The following PDE1C variants were observed in gnomAD, a reference collection of about 807,000 sequenced individuals.
The protein encoded by PDE1C is dual specificity calcium/calmodulin-dependent 3',5'-cyclic nucleotide phosphodiesterase 1C.
Under a neutral mutation model 93.1 loss-of-function variants are expected in PDE1C, and 62 were observed. The observed-to-expected ratio is 0.67, with a 90% CI of 0.54 to 0.82. PDE1C has a LOEUF of 0.82. PDE1C is among the 40% of genes least tolerant of loss of function. PDE1C has a pLI of 0.00. For missense variants in PDE1C, 742 were observed against 884.6 expected, an observed-to-expected ratio of 0.84 and a Z score of 2.04; for synonymous variants, 325 against 310.1, an observed-to-expected ratio of 1.05 and a Z score of -0.50.
At position 32,340,263 on chromosome 7, in the gene PDE1C, T is replaced by C. The variant is rs143108018; in HGVS notation, c.310+87559A>G. Among the ~76,000 whole-genome samples, 42 of 152,202 alleles carry C rather than the reference T, an allele frequency of 2.8e-4. No individual in the cohort carries two copies. In the East Asian group the frequency reaches 7.7e-3, roughly 28 times the overall value. On this transcript the variant is annotated intron_variant, in intron 1 of 1. Coordinates refer to the PDE1C transcript ENST00000672256. The stretch of plus-strand genomic sequence containing the variant: ...CAAAATGTCTTCAGAGCTAAAAAGG[T>C]CAAGGAAATAAAGAGTTCCCAATAT...
chr7:31,758,758 A>T (rs1794637161), intron 17 of PDE1C, among the ~76,000 whole-genome samples: 1 of 152,210 alleles, frequency 6.6e-6, no homozygotes, highest in African/African-American at 2.4e-5. Flanking sequence ...TATGGCATCA[A>T]ATTGCCTAGG....
chr7:32,178,395 G>T (rs6952780), intron 2 of PDE1C, among the ~76,000 whole-genome samples: 33,314 of 152,150 alleles, frequency 0.22, 5,468 homozygotes, highest in African/African-American at 0.45. Flanking sequence ...GCACTGGAAA[G>T]GTCTGCTCTG....
intron 2 of PDE1C, among the ~76,000 whole-genome samples, chr7:32,011,901 C>G (rs1450911875): frequency 6.6e-6 from 1 of 152,118 alleles, no homozygotes; most frequent in African/African-American, 2.4e-5. Flanking sequence ...ATATTCATAA[C>G]AGCCCCAAAC....
In PDE1C at chr7:32,123,884, C is replaced by T. The variant is rs141868754; in HGVS notation, c.308+45901G>A. Reference sequence around the variant, plus strand: ...AATTAGGCAAGAGAAAGGAATAAAGCGTATTCAAATACGAAGCAAGGAAGT... The same window carrying T: ...AATTAGGCAAGAGAAAGGAATAAAGTGTATTCAAATACGAAGCAAGGAAGT... On this transcript the variant is annotated intron_variant, in intron 3 of 18. Coordinates refer to the PDE1C transcript ENST00000396193. Among the ~76,000 whole-genome samples the T allele has an allele frequency of 4.7e-3, 708 of 152,118 alleles. 6 individuals carry two copies. Among genetic ancestry groups the T allele is most frequent in the African/African-American group, 0.016 (661 of 41,540 alleles).
At chr7:31,941,396 G>C (rs1399705524) in intron 2 of PDE1C, 1 of 161,122 alleles carries the variant, frequency 6.2e-6, no homozygotes, top group African/African-American at 2.4e-5. Flanking sequence ...TGTACTAGAT[G>C]ATGACAGAAA....
chr7:32,125,787 G>A (rs371397468), intron 3 of PDE1C, among the ~76,000 whole-genome samples: 7 of 151,982 alleles, frequency 4.6e-5, no homozygotes, highest in Admixed American at 1.3e-4. Flanking sequence ...CATGTCACAC[G>A]TATATCTATG....
intron 8 of PDE1C, among the ~76,000 whole-genome samples, chr7:31,849,979 C>A (rs1793126927): frequency 6.6e-6 from 1 of 152,118 alleles, no homozygotes. Flanking sequence ...AATCAACTAA[C>A]AGTATCTGTT....
chr7:31,956,944 A>G (rs1355489634), intron 2 of PDE1C, among the ~76,000 whole-genome samples: 1 of 152,042 alleles, frequency 6.6e-6, no homozygotes, highest in African/African-American at 2.4e-5. Context: ...TCTTGAGTAT[A>G]TAAATATTCT....
rs991439627 is a variant in PDE1C at position 31,800,668 on chromosome 7, C to T, written c.1891+8363G>A. Reference sequence around the variant, plus strand: ...AGTAAGTCTTGAAATCAAACCTTCTCTGTAGTCCTCCAACTTTTTCCTTTT... The same window carrying T: ...AGTAAGTCTTGAAATCAAACCTTCTTTGTAGTCCTCCAACTTTTTCCTTTT... On this transcript the variant is annotated intron_variant, in intron 16 of 17. Transcript: ENST00000396191. Among the ~76,000 whole-genome samples the T allele has an allele frequency of 2.6e-5, 4 of 151,454 alleles. No individual in the cohort carries two copies. The East Asian group carries it at 5.8e-4, about 22-fold the overall frequency.
At chr7:32,375,784 G>A (rs950201582) in intron 1 of PDE1C, among the ~76,000 whole-genome samples, 1 of 152,210 alleles carries the variant, frequency 6.6e-6, no homozygotes, top group Non-Finnish European at 1.5e-5. Context: ...TGTCAAACTA[G>A]GGCCATGATA....
At chr7:31,687,109 C>G in the PDE1C span, 1 of 152,326 alleles carries the variant, frequency 6.6e-6, no homozygotes, top group Non-Finnish European at 1.5e-5. Context: ...TGTTAGTCCT[C>G]TTTCCTTCTC....
the PDE1C span, among the ~76,000 whole-genome samples, chr7:31,628,949 C>CA: frequency 6.6e-6 from 1 of 152,050 alleles, no homozygotes; most frequent in Admixed American, 6.5e-5. Context: ...AAAACAAAAA[C>CA]AAAAAAACAT....
chr7:31,855,670 G>A (rs1255816649), intron 7 of PDE1C, among the ~76,000 whole-genome samples: 3 of 144,830 alleles, frequency 2.1e-5, no homozygotes, highest in African/African-American at 5.1e-5. Flanking sequence ...TGACATTATG[G>A]TAATGTCATA....
At chr7:32,319,198 C>A (rs1170180739) in intron 1 of PDE1C, among the ~76,000 whole-genome samples, 1 of 152,230 alleles carries the variant, frequency 6.6e-6, no homozygotes, top group African/African-American at 2.4e-5. Context: ...AGGGAGATGA[C>A]CAGAGCGCCA....
intron 2 of PDE1C, among the ~76,000 whole-genome samples, chr7:31,965,312 C>T (rs1382964029): frequency 1.3e-5 from 2 of 152,132 alleles, no homozygotes; most frequent in African/African-American, 2.4e-5. Flanking sequence ...GTGACGAACG[C>T]ACAAGCCTCA....
chr7:31,704,104 C>T, the PDE1C span, among the ~76,000 whole-genome samples: 2 of 152,152 alleles, frequency 1.3e-5, no homozygotes, highest in African/African-American at 4.8e-5. Context: ...AAAGAGAATC[C>T]TCCTGGAAAA....
chr7:32,313,172 A>G (rs1045954643), intron 1 of PDE1C, among the ~76,000 whole-genome samples: 11 of 152,206 alleles, frequency 7.2e-5, no homozygotes, highest in Non-Finnish European at 1.3e-4. Flanking sequence ...TTCACTGGCC[A>G]TCAGAGAAAT....
chr7:32,191,826 T>C (rs1325838126), intron 2 of PDE1C, among the ~76,000 whole-genome samples: 1 of 152,224 alleles, frequency 6.6e-6, no homozygotes, highest in Non-Finnish European at 1.5e-5. Context: ...TCACCAACCA[T>C]GTATGAGTAA....
At chr7:32,126,366 G>A (rs931451194) in intron 3 of PDE1C, among the ~76,000 whole-genome samples, 2 of 152,128 alleles carry the variant, frequency 1.3e-5, no homozygotes, top group African/African-American at 4.8e-5. Context: ...GCAGAGCCAG[G>A]TTCTGAACTC....
Sources: gnomAD v4.1 joint callset for allele counts (sites outside exome capture counted in the v4.1 genomes callset) on GRCh38, gnomAD v4.1.1 for gene constraint, MANE v1.5 for transcripts, NCBI Gene and HGNC (gene_info 2026-07-23, HGNC 2026-07-21) for gene names.